INTS8: variants seen among roughly 807,000 people sequenced by gnomAD.
INTS8 encodes the protein integrator complex subunit 8.
A neutral mutation model predicts 138.9 loss-of-function variants in INTS8; 47 were observed. The observed-to-expected ratio is 0.34, with a 90% CI of 0.27 to 0.43. The LOEUF is 0.43. Ranked by LOEUF, INTS8 falls within the 20% of genes least tolerant of loss-of-function variation. The pLI is 1.00. For missense variants in INTS8, 996 were observed against 1,173.0 expected (o/e 0.85, Z 2.20); for synonymous variants, 392 against 400.9 (o/e 0.98, Z 0.27).
chr8:94,828,278 T>C (rs1030704957), intron 4 of INTS8, among the ~76,000 whole-genome samples: 34 of 152,140 alleles, frequency 2.2e-4, no homozygotes, highest in African/African-American at 8.2e-4. Flanking sequence ...TGACCTCAGG[T>C]GATCCACCCG....
chr8:94,837,175 A>T (rs562279135), intron 7 of INTS8, among the ~76,000 whole-genome samples: 1 of 152,278 alleles, frequency 6.6e-6, no homozygotes, highest in African/African-American at 2.4e-5. Flanking sequence ...GTGTTTAACA[A>T]ATTTTTATTT....
intron 8 of INTS8, among the ~76,000 whole-genome samples, chr8:94,840,995 C>G (rs1385030155): frequency 6.6e-6 from 1 of 151,540 alleles, no homozygotes; most frequent in African/African-American, 2.4e-5. Flanking sequence ...TCAAAGCAAC[C>G]TCCGCCTCCT....
Position 94,824,958 on chromosome 8 carries a change from C to CAAA in INTS8, c.198_200dup (p.Gln66_Asn67insLys). 1 of 1,612,932 alleles carries CAAA rather than the reference C, an allele frequency of 6.2e-7. No homozygotes were observed. Among genetic ancestry groups the CAAA allele is most frequent in the African/African-American group, 1.3e-5 (1 of 74,984 alleles). ...GGCTTCCAAACCTTCAGTTAATGAA[C>CAAA]AAAACCAAGTTCAACCTCCGCCTGA... is the stretch of plus-strand genomic sequence containing the variant. On this transcript the variant is annotated inframe_insertion, in exon 2 of 27. Coordinates refer to ENST00000523731, the MANE Select transcript of INTS8 (RefSeq NM_017864.4).
At chr8:94,872,648 G>A (rs1291647080) in intron 21 of INTS8, among the ~76,000 whole-genome samples, 2 of 152,122 alleles carry the variant, frequency 1.3e-5, no homozygotes, top group Admixed American at 6.6e-5. Context: ...TATTCTTGAA[G>A]ATAGATCCTA....
chr8:94,828,708 C>CA (rs1410682094), intron 4 of INTS8, among the ~76,000 whole-genome samples: 3 of 152,082 alleles, frequency 2.0e-5, no homozygotes, highest in African/African-American at 7.2e-5. Context: ...TACTTGAACC[C>CA]AGGAGGTTGA....
At position 94,827,273 on chromosome 8, in the gene INTS8, C is replaced by G; in HGVS notation, c.316C>G (p.Pro106Ala). 6.2e-7 allele frequency: 1 copy of G among 1,613,308 alleles called. No individual in the cohort carries two copies. The highest frequency in any genetic ancestry group is 8.5e-7 in the Non-Finnish European group (1 of 1,179,388). ...LDILEKSLSV[P>A]VLNMLLNELL... ...TTTTGCTTCTTCAAGTTTGTCTGTT[C>G]CAGTATTGAATATGCTACTAAATGA... The change falls in exon 3 of 27, where the codon CCA becomes GCA. Residue 106 changes from proline to alanine, a missense_variant. Transcript: ENST00000523731.
At position 94,880,536 on chromosome 8, in the gene INTS8, A is replaced by ATATT. The variant is rs1439098078; in HGVS notation, c.*305_*308dup. 6 of 302,718 alleles carry ATATT rather than the reference A, an allele frequency of 2.0e-5. No individual in the cohort carries two copies. Among genetic ancestry groups the ATATT allele is most frequent in the Middle Eastern group, 9.1e-4 (1 of 1,102 alleles). The allele number at this position is 302,718 out of a possible 1,614,324, so 18.8% of individuals were successfully genotyped here. ...TTTTTTTTAGAAAAGCTAATTTAAA[A>ATATT]TATTTAGAAATAGCTAGCCTATGTA... On this transcript the variant is annotated 3_prime_UTR_variant, in exon 27 of 27. Coordinates refer to ENST00000523731, the MANE Select transcript of INTS8 (RefSeq NM_017864.4).
At position 94,853,789 on chromosome 8, in the gene INTS8, T is replaced by G; in HGVS notation, c.1642-16T>G. 7.0e-7 allele frequency: 1 copy of G among 1,424,264 alleles called. No individual in the cohort carries two copies. Among genetic ancestry groups the G allele is most frequent in the South Asian group, 1.1e-5 (1 of 87,040 alleles). The allele number at this position is 1,424,264 out of a possible 1,614,324, so 88.2% of individuals were successfully genotyped here. ...TCTATGTGTGCATATATATATGTATTTTTTGTTTCTTTTAGTGGGAAGTAC... is the reference window on the plus strand; with the variant it reads ...TCTATGTGTGCATATATATATGTATGTTTTGTTTCTTTTAGTGGGAAGTAC... On this transcript the variant is annotated splice_polypyrimidine_tract_variant and intron_variant, in intron 13 of 26. Coordinates refer to ENST00000523731, the MANE Select transcript of INTS8 (RefSeq NM_017864.4).
chr8:94,878,348 A>C (rs28399593), intron 26 of INTS8, among the ~76,000 whole-genome samples: 3 of 152,040 alleles, frequency 2.0e-5, no homozygotes, highest in Non-Finnish European at 4.4e-5. Context: ...TACCTCTTCT[A>C]TGCTTGAGAT....
chr8:94,840,017 CAAAAATCAG>C (rs1815074247), intron 8 of INTS8, among the ~76,000 whole-genome samples: 1 of 152,188 alleles, frequency 6.6e-6, no homozygotes, highest in Non-Finnish European at 1.5e-5. Context: ...TAAAGTTCCA[CAAAAATCAG>C]AAAATAGTGT....
rs117159227 is a variant in INTS8, at chr8:94,873,722, A to G, written c.2637+245A>G. 4.1e-3 allele frequency: 1,633 copies of G among 395,432 alleles called. 8 individuals carry two copies. Among genetic ancestry groups the G allele is most frequent in the Non-Finnish European group, 5.7e-3 (1,238 of 218,908 alleles). 24.5% of individuals were successfully genotyped at this position (395,432 alleles called of 1,614,324 possible). ...TGATTTGTGTCTGTCTTTACCATAA[A>G]GTAATAAACTCCTAATACACTCCTA... On this transcript the variant is annotated intron_variant, in intron 22 of 26. Coordinates refer to ENST00000523731, the MANE Select transcript of INTS8 (RefSeq NM_017864.4).
intron 26 of INTS8, among the ~76,000 whole-genome samples, chr8:94,878,207 A>C (rs1050314932): frequency 6.6e-6 from 1 of 152,184 alleles, no homozygotes; most frequent in Middle Eastern, 3.2e-3. Context: ...ACAAGTCTCC[A>C]ACCCGTCAGC....
At position 94,824,990 on chromosome 8, in the gene INTS8, G is replaced by A. The variant is rs750777414; in HGVS notation, c.228G>A (p.Lys76=). 3.7e-6 allele frequency: 6 copies of A among 1,612,750 alleles called. No homozygotes were observed. The African/African-American group carries it at 8.0e-5, about 22-fold the overall frequency. Residue 76 remains lysine (K), a synonymous_variant, in exon 2 of 27, where the codon AAG becomes AAA. Transcript: ENST00000523731. The stretch of plus-strand genomic sequence containing the variant: ...AAGTTCAACCTCCGCCTGATAACAA[G>A]AGAAATCGTATTTTAAAACTACTTG... ...QNQVQPPPDN[K]RNRILKLLAL... is the part of the protein sequence containing the mutation.
intron 12 of INTS8, among the ~76,000 whole-genome samples, chr8:94,851,042 G>C (rs1426194656): frequency 6.6e-6 from 1 of 152,188 alleles, no homozygotes; most frequent in Non-Finnish European, 1.5e-5. Context: ...AGAAATGCTG[G>C]AAATGCATTA....
chr8:94,839,535 G>A (rs906450779), intron 8 of INTS8, among the ~76,000 whole-genome samples: 1 of 152,134 alleles, frequency 6.6e-6, no homozygotes, highest in African/African-American at 2.4e-5. Context: ...GAAAATAGGT[G>A]AAGAGAGGAA....
At chr8:94,879,956 TTA>T (rs1352842283) in intron 26 of INTS8, 160 bp from the exon 27 acceptor site, 6 of 512,880 alleles carry the variant, frequency 1.2e-5, no homozygotes, top group Non-Finnish European at 2.1e-5. Context: ...TGGTTAATCT[TTA>T]TGTTAATTTT....
At chr8:94,851,441 A>G (rs1485404689) in intron 12 of INTS8, 112 bp from the exon 13 acceptor site, 1 of 673,936 alleles carries the variant, frequency 1.5e-6, no homozygotes, top group Non-Finnish European at 2.3e-6. Context: ...AGTTCTCAAG[A>G]TGATAGCAGC....
chr8:94,859,471 T>C (rs1586508749), intron 15 of INTS8, 40 bp from the exon 16 acceptor site: 1 of 1,592,406 alleles, frequency 6.3e-7, no homozygotes, highest in Non-Finnish European at 8.6e-7. Flanking sequence ...ATTTTAATGT[T>C]GTGATGGTAA....
intron 10 of INTS8, among the ~76,000 whole-genome samples, chr8:94,848,429 C>T (rs1815409319): frequency 6.6e-6 from 1 of 152,126 alleles, no homozygotes; most frequent in Non-Finnish European, 1.5e-5. Flanking sequence ...GCTATCACTT[C>T]ACTTCCTTTT....
Sources: gnomAD v4.1 joint callset for allele counts (sites outside exome capture counted in the v4.1 genomes callset) on GRCh38, gnomAD v4.1.1 for gene constraint, MANE v1.5 for transcripts, NCBI Gene and HGNC (gene_info 2026-07-23, HGNC 2026-07-21) for gene names.